PIK3C3: variants seen among roughly 807,000 people sequenced by gnomAD.
PIK3C3 encodes the protein phosphatidylinositol 3-kinase catalytic subunit type 3, also known as PI3-kinase type 3.
A neutral mutation model predicts 126.1 loss-of-function variants in PIK3C3; 95 were observed. The ratio of observed to expected loss-of-function variants is 0.75; its 90% CI spans 0.64 to 0.89. PIK3C3 has a LOEUF of 0.89. Among genes scored for constraint, PIK3C3 ranks in the 40% least tolerant of loss-of-function variants. The pLI is 0.00. For missense variants in PIK3C3, 829 were observed against 1,063.2 expected (o/e 0.78, Z 3.06); for synonymous variants, 374 against 360.0 (o/e 1.04, Z -0.44).
chr18:42,061,080 A>G (rs1255334120), intron 22 of PIK3C3, among the ~76,000 whole-genome samples: 2 of 152,196 alleles, frequency 1.3e-5, no homozygotes, highest in Non-Finnish European at 2.9e-5. Flanking sequence ...AATTTAAACT[A>G]TCTTTGTGTG....
chr18:42,004,620 TGTGAGA>T, intron 10 of PIK3C3, 79 bp downstream of exon 10: 9 of 1,116,158 alleles, frequency 8.1e-6, no homozygotes, highest in Non-Finnish European at 1.0e-5. Context: ...TGTATGTGTG[TGTGAGA>T]GTGAGAGAGA....
chr18:41,977,316 G>A (rs1238247678), intron 4 of PIK3C3, among the ~76,000 whole-genome samples: 1 of 152,128 alleles, frequency 6.6e-6, no homozygotes, highest in Non-Finnish European at 1.5e-5. Flanking sequence ...GGCCTAGGAG[G>A]AAAGGAAACA....
At chr18:41,960,782 C>T (rs777342465) in intron 2 of PIK3C3, among the ~76,000 whole-genome samples, 10 of 150,128 alleles carry the variant, frequency 6.7e-5, no homozygotes, top group Non-Finnish European at 1.2e-4. Flanking sequence ...CTCGCTCTGT[C>T]GCCAGGCTGG....
intron 5 of PIK3C3, among the ~76,000 whole-genome samples, chr18:41,989,662 T>C (rs981231922): frequency 2.0e-5 from 3 of 152,184 alleles, no homozygotes; most frequent in Non-Finnish European, 4.4e-5. Flanking sequence ...GTTTGTAGCC[T>C]AGGGGTAATA....
chr18:42,033,226 A>T (rs61466819), intron 15 of PIK3C3, among the ~76,000 whole-genome samples: 2,767 of 152,284 alleles, frequency 0.018, 96 homozygotes, highest in African/African-American at 0.062. Context: ...TTTCATCATG[A>T]CTTGGATTTC....
intron 20 of PIK3C3, 72 bp downstream of exon 20, chr18:42,043,889 C>A: frequency 1.1e-6 from 1 of 933,510 alleles, no homozygotes; most frequent in Non-Finnish European, 1.7e-6. Context: ...TTGCCATAAT[C>A]ATATACATTT....
Position 42,085,251 on chromosome 18 carries a change from AC to A in PIK3C3, c.*4117del, listed in dbSNP as rs887821497. ...CAACACTAGTTTTTTACTTTTATCT[AC>A]CCTGAGGGTAGATAACCCATATTCC... On this transcript the variant is annotated 3_prime_UTR_variant, in exon 25 of 25. Transcript: ENST00000262039. 1 of 152,152 alleles carries A rather than the reference AC, an allele frequency of 6.6e-6. No individual in the cohort carries two copies. The highest frequency in any genetic ancestry group is 2.4e-5 in the African/African-American group (1 of 41,444). The allele number at this position is 152,152 out of a possible 1,614,324, so 9.4% of individuals were successfully genotyped here.
intron 17 of PIK3C3, 124 bp downstream of exon 17, chr18:42,037,944 C>A: frequency 1.2e-6 from 1 of 867,032 alleles, no homozygotes; most frequent in Non-Finnish European, 1.7e-6. Flanking sequence ...GAAAGCTCAA[C>A]AGTCTCCACT....
At chr18:41,974,551 C>T (rs917241627) in intron 4 of PIK3C3, among the ~76,000 whole-genome samples, 12 of 150,586 alleles carry the variant, frequency 8.0e-5, no homozygotes, top group African/African-American at 2.9e-4. Context: ...ACTATTACCC[C>T]CCCACCCCCT....
At chr18:41,969,967 C>G (rs1374412504) in intron 3 of PIK3C3, among the ~76,000 whole-genome samples, 2 of 152,116 alleles carry the variant, frequency 1.3e-5, no homozygotes, top group East Asian at 3.9e-4. Context: ...TGATTTTAGT[C>G]ATTGTAAATG....
chr18:41,997,700 A>G (rs747381517), intron 9 of PIK3C3, among the ~76,000 whole-genome samples: 4 of 152,144 alleles, frequency 2.6e-5, no homozygotes, highest in Non-Finnish European at 5.9e-5. Flanking sequence ...CCCACAATGT[A>G]TGTATTATTG....
At chr18:42,006,860 CTTTTTT>C (rs71265065) in intron 10 of PIK3C3, among the ~76,000 whole-genome samples, 2 of 102,296 alleles carry the variant, frequency 2.0e-5, no homozygotes, top group East Asian at 2.9e-4. Flanking sequence ...AAATCATATT[CTTTTTT>C]TTTTTTTTTT....
chr18:42,040,307 A>G (rs1984252765), intron 18 of PIK3C3, among the ~76,000 whole-genome samples: 1 of 151,994 alleles, frequency 6.6e-6, no homozygotes, highest in African/African-American at 2.4e-5. Context: ...CCACAATTCT[A>G]GATTTCTTAC....
At chr18:42,031,607 G>A (rs940691818) in intron 15 of PIK3C3, among the ~76,000 whole-genome samples, 1 of 151,998 alleles carries the variant, frequency 6.6e-6, no homozygotes, top group Non-Finnish European at 1.5e-5. Context: ...AGTAAAGATG[G>A]GGGGGTTTCA....
chr18:42,046,739 C>T (rs1401628970), intron 20 of PIK3C3, among the ~76,000 whole-genome samples: 2 of 152,010 alleles, frequency 1.3e-5, no homozygotes, highest in Non-Finnish European at 1.5e-5. Context: ...CCATTCTTAC[C>T]TCAAATGTTT....
chr18:41,963,118 A>G (rs1046879886), intron 3 of PIK3C3, among the ~76,000 whole-genome samples: 1 of 152,090 alleles, frequency 6.6e-6, no homozygotes, highest in East Asian at 1.9e-4. Context: ...GTCCCAAAGG[A>G]TATTTTCTCT....
At chr18:41,997,260 T>C (rs1461043539) in intron 9 of PIK3C3, among the ~76,000 whole-genome samples, 2 of 151,978 alleles carry the variant, frequency 1.3e-5, no homozygotes, top group East Asian at 1.9e-4. Context: ...GAAATATAAT[T>C]TGAGATGTGG....
chr18:41,987,901 G>A lies in PIK3C3; in HGVS notation c.618+3G>A, dbSNP rs772938374. 6 of 1,490,714 alleles carry A rather than the reference G, an allele frequency of 4.0e-6. No individual in the cohort carries two copies. In the South Asian group the frequency reaches 6.2e-5, roughly 15 times the overall value. 92.3% of individuals were successfully genotyped at this position (1,490,714 alleles called of 1,614,324 possible). ...GAGAAATAGAAATGATAAATGAGGT[G>A]GGTTATATCACTCTTTTATTTTAAA... On this transcript the variant is annotated splice_donor_region_variant and intron_variant, in intron 5 of 24. Transcript: ENST00000262039.
chr18:42,069,045 T>C (rs1985666658), intron 24 of PIK3C3, among the ~76,000 whole-genome samples: 1 of 152,038 alleles, frequency 6.6e-6, no homozygotes, highest in Admixed American at 6.5e-5. Context: ...ATCAGTCACC[T>C]AGTAGTGCAA....
Sources: gnomAD v4.1 joint callset for allele counts (sites outside exome capture counted in the v4.1 genomes callset) on GRCh38, gnomAD v4.1.1 for gene constraint, MANE v1.5 for transcripts, NCBI Gene and HGNC (gene_info 2026-07-23, HGNC 2026-07-21) for gene names.